The following PRKCA variants were observed in gnomAD, a reference collection of about 807,000 sequenced individuals.
PRKCA encodes the protein protein kinase C alpha, also known as protein kinase C alpha type.
A neutral mutation model predicts 87.0 loss-of-function variants in PRKCA; 27 were observed. The observed-to-expected ratio is 0.31, with a 90% CI of 0.23 to 0.43. The LOEUF (loss-of-function observed/expected upper bound fraction) is 0.43. Ranked by LOEUF, PRKCA falls within the 20% of genes least tolerant of loss-of-function variation. The pLI, the probability that PRKCA is intolerant of heterozygous loss-of-function variation, is 1.00. For synonymous variants in PRKCA, 329 were observed against 311.1 expected (o/e 1.06, Z -0.61); for missense variants, 518 against 852.3 (o/e 0.61, Z 4.88).
intron 5 of PRKCA, among the ~76,000 whole-genome samples, chr17:66,663,378 T>G (rs2143911669): frequency 6.6e-6 from 1 of 152,370 alleles, no homozygotes; most frequent in East Asian, 1.9e-4. Flanking sequence ...AGCAGCTGCC[T>G]GGGAGCCAGG....
intron 3 of PRKCA, among the ~76,000 whole-genome samples, chr17:66,520,303 T>G (rs563146854): frequency 6.6e-6 from 1 of 152,034 alleles, no homozygotes; most frequent in Non-Finnish European, 1.5e-5. Context: ...GTACTTTTAG[T>G]AGAGATGAGG....
intron 2 of PRKCA, among the ~76,000 whole-genome samples, chr17:66,324,447 C>CCA (rs1905858381): frequency 1.1e-5 from 1 of 90,662 alleles, no homozygotes; most frequent in Non-Finnish European, 2.1e-5. Context: ...ACTAAAAATA[C>CCA]AAAAAAAAAA....
At chr17:66,492,987 C>A (rs1457158042) in intron 2 of PRKCA, among the ~76,000 whole-genome samples, 1 of 151,482 alleles carries the variant, frequency 6.6e-6, no homozygotes, top group Non-Finnish European at 1.5e-5. Context: ...GCACCTCCCC[C>A]TCTAAAGGGA....
chr17:66,712,885 C>T (rs1973367142), intron 8 of PRKCA, among the ~76,000 whole-genome samples: 1 of 152,126 alleles, frequency 6.6e-6, no homozygotes, highest in African/African-American at 2.4e-5. Flanking sequence ...GTGCCTAGAA[C>T]AGTGCCTGGC....
At chr17:66,570,471 T>G (rs948106836) in intron 3 of PRKCA, among the ~76,000 whole-genome samples, 1 of 152,188 alleles carries the variant, frequency 6.6e-6, no homozygotes, top group Admixed American at 6.5e-5. Flanking sequence ...CTTTAAAAAT[T>G]TTTAAAAAGC....
intron 13 of PRKCA, among the ~76,000 whole-genome samples, chr17:66,768,614 G>A (rs1974862445): frequency 6.6e-6 from 1 of 152,204 alleles, no homozygotes; most frequent in South Asian, 2.1e-4. Context: ...AGGCAGAGGG[G>A]AAGTAAGCAT....
chr17:66,742,840 G>A, intron 13 of PRKCA, 80 bp downstream of exon 13: 1 of 1,497,122 alleles, frequency 6.7e-7, no homozygotes, highest in Non-Finnish European at 9.0e-7. Flanking sequence ...TAGGGTCACT[G>A]GCGAATCATG....
At chr17:66,528,235 A>G (rs1480754232) in intron 3 of PRKCA, among the ~76,000 whole-genome samples, 2 of 151,920 alleles carry the variant, frequency 1.3e-5, no homozygotes, top group Non-Finnish European at 2.9e-5. Context: ...AAAAAAAAAA[A>G]AAAAAAAAAG....
At chr17:66,778,389 G>A (rs1016596181) in intron 14 of PRKCA, 13 of 245,438 alleles carry the variant, frequency 5.3e-5, no homozygotes, top group East Asian at 1.8e-4. Context: ...GGTGGCGGGC[G>A]CCTGTAGTCC....
intron 3 of PRKCA, among the ~76,000 whole-genome samples, chr17:66,580,569 C>T (rs1416867931): frequency 6.6e-6 from 1 of 152,240 alleles, no homozygotes; most frequent in Non-Finnish European, 1.5e-5. Flanking sequence ...AGGACAAACA[C>T]ATCAGCTTCC....
intron 8 of PRKCA, among the ~76,000 whole-genome samples, chr17:66,721,622 TG>T (rs972418782): frequency 2.0e-5 from 3 of 152,180 alleles, no homozygotes; most frequent in Non-Finnish European, 4.4e-5. Flanking sequence ...TAGACCATCA[TG>T]GCACTAGTGG....
chr17:66,385,479 T>C (rs1409843406), intron 2 of PRKCA, among the ~76,000 whole-genome samples: 1 of 152,252 alleles, frequency 6.6e-6, no homozygotes, highest in African/African-American at 2.4e-5. Context: ...AGCCAAAATA[T>C]TTGTAATACA....
chr17:66,346,475 T>C (rs567865089), intron 2 of PRKCA, among the ~76,000 whole-genome samples: 1 of 152,066 alleles, frequency 6.6e-6, no homozygotes, highest in African/African-American at 2.4e-5. Context: ...TTTTGAACTC[T>C]TGGGCTCAAG....
chr17:66,452,070 C>T (rs1567836425), intron 2 of PRKCA, among the ~76,000 whole-genome samples: 4 of 152,160 alleles, frequency 2.6e-5, no homozygotes, highest in East Asian at 1.9e-4. Flanking sequence ...TATATGAAGC[C>T]GTGTATGGCC....
At chr17:66,589,428 A>G (rs1413951801) in intron 3 of PRKCA, among the ~76,000 whole-genome samples, 2 of 152,226 alleles carry the variant, frequency 1.3e-5, no homozygotes, top group Admixed American at 6.5e-5. Context: ...ACACTCCTAC[A>G]GTGGCAGCTT....
intron 13 of PRKCA, among the ~76,000 whole-genome samples, chr17:66,768,524 A>T (rs1974860945): frequency 6.6e-6 from 1 of 152,204 alleles, no homozygotes; most frequent in East Asian, 1.9e-4. Context: ...GAACTACCTG[A>T]TACTGGGTAA....
intron 2 of PRKCA, among the ~76,000 whole-genome samples, chr17:66,372,505 A>G (rs1035080992): frequency 1.3e-5 from 2 of 152,218 alleles, no homozygotes; most frequent in African/African-American, 4.8e-5. Context: ...AAAATTTAAG[A>G]AACTTTTATT....
intron 5 of PRKCA, among the ~76,000 whole-genome samples, chr17:66,661,652 C>T (rs957181264): frequency 1.3e-5 from 2 of 152,186 alleles, no homozygotes; most frequent in African/African-American, 4.8e-5. Flanking sequence ...TCCAATTCAG[C>T]CACCCAGTGC....
At chr17:66,537,137 A>G (rs1184817286) in intron 3 of PRKCA, among the ~76,000 whole-genome samples, 1 of 152,182 alleles carries the variant, frequency 6.6e-6, no homozygotes, top group Non-Finnish European at 1.5e-5. Flanking sequence ...CCAGGAATTG[A>G]GGACTCTTGC....
Sources: gnomAD v4.1 joint callset for allele counts (sites outside exome capture counted in the v4.1 genomes callset) on GRCh38, gnomAD v4.1.1 for gene constraint, MANE v1.5 for transcripts, NCBI Gene and HGNC (gene_info 2026-07-23, HGNC 2026-07-21) for gene names.